Variants in MCU observed in about 807,000 individuals in gnomAD.
MCU encodes the protein mitochondrial calcium uniporter, also known as calcium uniporter protein, mitochondrial.
Under a neutral mutation model 45.2 loss-of-function variants are expected in MCU, and 12 were observed. That is an observed-to-expected ratio of 0.27 (90% CI 0.17 to 0.43). MCU has a LOEUF of 0.43. Ranked by LOEUF, MCU falls within the 20% of genes least tolerant of loss-of-function variation. The pLI is 1.00. For synonymous variants in MCU, 160 were observed against 165.1 expected, an observed-to-expected ratio of 0.97 and a Z score of 0.24; for missense variants, 324 against 436.7, an observed-to-expected ratio of 0.74 and a Z score of 2.30.
At chr10:72,725,114 G>A (rs551049278) in intron 1 of MCU, among the ~76,000 whole-genome samples, 24 of 151,706 alleles carry the variant, frequency 1.6e-4, no homozygotes, top group African/African-American at 4.1e-4. Flanking sequence ...ACATACACAC[G>A]CCACCACACC....
intron 1 of MCU, among the ~76,000 whole-genome samples, chr10:72,760,035 T>C (rs935095934): frequency 7.1e-5 from 9 of 126,146 alleles, no homozygotes; most frequent in Middle Eastern, 8.3e-3. Flanking sequence ...TTTTAAATTC[T>C]GTAAAACTTT....
chr10:72,826,305 A>G (rs564850947), intron 1 of MCU, among the ~76,000 whole-genome samples: 45 of 152,296 alleles, frequency 3.0e-4, no homozygotes, highest in African/African-American at 1.0e-3. Context: ...TCAAAGTAGA[A>G]AAAAACACTT....
At chr10:72,817,808 T>C (rs930289494) in intron 1 of MCU, among the ~76,000 whole-genome samples, 1 of 152,214 alleles carries the variant, frequency 6.6e-6, no homozygotes, top group Non-Finnish European at 1.5e-5. Flanking sequence ...ATTAGTAAAG[T>C]AGTAAGTAGA....
intron 1 of MCU, among the ~76,000 whole-genome samples, chr10:72,819,358 C>T (rs1844674446): frequency 6.6e-6 from 1 of 152,148 alleles, no homozygotes; most frequent in Non-Finnish European, 1.5e-5. Flanking sequence ...AACTTGTTAG[C>T]CCTTTCATTA....
chr10:72,743,157 C>T (rs1843359613), intron 1 of MCU, among the ~76,000 whole-genome samples: 1 of 151,740 alleles, frequency 6.6e-6, no homozygotes, highest in African/African-American at 2.4e-5. Flanking sequence ...ACCTGTAATC[C>T]CGGCACTTTG....
intron 1 of MCU, among the ~76,000 whole-genome samples, chr10:72,716,631 C>G (rs1589429754): frequency 6.6e-6 from 1 of 152,054 alleles, no homozygotes; most frequent in East Asian, 1.9e-4. Context: ...CACATGTAAT[C>G]TGAACACTTT....
intron 1 of MCU, among the ~76,000 whole-genome samples, chr10:72,758,351 A>G (rs1564548567): frequency 6.6e-6 from 1 of 152,132 alleles, no homozygotes; most frequent in South Asian, 2.1e-4. Context: ...TCGGTTTAAA[A>G]TATTTATGTC....
intron 6 of MCU, among the ~76,000 whole-genome samples, chr10:72,882,469 C>T (rs1018899695): frequency 1.6e-4 from 24 of 152,236 alleles, no homozygotes; most frequent in African/African-American, 3.6e-4. Context: ...AAAGAGAATG[C>T]ACCCCTGAGG....
chr10:72,835,165 C>G (rs1254739479), intron 2 of MCU, among the ~76,000 whole-genome samples: 1 of 152,198 alleles, frequency 6.6e-6, no homozygotes, highest in African/African-American at 2.4e-5. Flanking sequence ...CTGCAATACT[C>G]TTCTTTGATG....
chr10:72,816,526 C>G (rs915690696), intron 1 of MCU, among the ~76,000 whole-genome samples: 2 of 152,178 alleles, frequency 1.3e-5, no homozygotes, highest in African/African-American at 4.8e-5. Context: ...CACACATAAT[C>G]CCAGCACTCA....
At chr10:72,741,596 C>T (rs1304678719) in intron 1 of MCU, among the ~76,000 whole-genome samples, 1 of 152,164 alleles carries the variant, frequency 6.6e-6, no homozygotes, top group Non-Finnish European at 1.5e-5. Context: ...TGTCCATGTT[C>T]CCTGTGGTCA....
rs1424796711 is a variant in MCU, at chr10:72,827,926, A to G, written c.151-6433A>G. On this transcript the variant is annotated intron_variant, in intron 1 of 7. Transcript: ENST00000373053. ...TTTAAAGCCACAGACCTTATTTAGT[A>G]TATTGGTAGATTAGAAGTAGTAAAT... 2.6e-5 allele frequency among the ~76,000 whole-genome samples: 4 copies of G among 152,170 alleles called. No individual in the cohort carries two copies. The East Asian group carries it at 7.7e-4, about 29-fold the overall frequency.
intron 1 of MCU, among the ~76,000 whole-genome samples, chr10:72,825,335 A>G (rs907665863): frequency 2.6e-5 from 4 of 152,148 alleles, no homozygotes; most frequent in African/African-American, 7.2e-5. Flanking sequence ...CTCTCTACCT[A>G]TGTACATACA....
chr10:72,744,534 G>T (rs533500280), intron 1 of MCU, among the ~76,000 whole-genome samples: 7 of 152,284 alleles, frequency 4.6e-5, no homozygotes, highest in African/African-American at 1.7e-4. Context: ...GGAGGCTGGG[G>T]CAGGAAAATT....
chr10:72,699,887 C>T (rs895098917), intron 1 of MCU, among the ~76,000 whole-genome samples: 6 of 152,002 alleles, frequency 3.9e-5, no homozygotes, highest in East Asian at 3.9e-4. Flanking sequence ...CCACTGCGCC[C>T]GGCCGAAATG....
intron 5 of MCU, among the ~76,000 whole-genome samples, chr10:72,869,280 A>G (rs1589505666): frequency 2.0e-5 from 3 of 151,284 alleles, no homozygotes; most frequent in Admixed American, 1.3e-4. Flanking sequence ...TTTGCAGGGG[A>G]AAAAAACAAT....
chr10:72,756,025 A>G (rs1843571409), intron 1 of MCU, among the ~76,000 whole-genome samples: 1 of 151,886 alleles, frequency 6.6e-6, no homozygotes, highest in Admixed American at 6.6e-5. Flanking sequence ...TTTCTTTTAC[A>G]TGTTTTGTAG....
chr10:72,780,552 T>TGTGTGTGTGTGTGTGTGTGTGTG (rs770728826), intron 1 of MCU, among the ~76,000 whole-genome samples: 33 of 20,306 alleles, frequency 1.6e-3, no homozygotes, highest in East Asian at 0.012. Flanking sequence ...GTGTGTGTGT[T>TGTGTGTGTGTGTGTGTGTGTGTG]GGGTGAATTT....
intron 2 of MCU, among the ~76,000 whole-genome samples, chr10:72,849,435 G>A (rs1055690390): frequency 6.6e-6 from 1 of 152,154 alleles, no homozygotes; most frequent in African/African-American, 2.4e-5. Context: ...ATTATGGGTG[G>A]TTAGGGAAGA....
Sources: allele counts gnomAD v4.1 joint callset (sites outside exome capture counted in the v4.1 genomes callset), GRCh38; gene constraint gnomAD v4.1.1; transcripts MANE v1.5; gene names NCBI Gene and HGNC (gene_info 2026-07-23, HGNC 2026-07-21).